Variants in RANBP17 observed in about 807,000 individuals in gnomAD.
RANBP17 encodes the protein ran-binding protein 17.
A neutral mutation model predicts 141.2 loss-of-function variants in RANBP17; 158 were observed. The observed-to-expected ratio is 1.12, with a 90% CI of 0.98 to 1.28. The LOEUF is 1.28. Ranked by LOEUF, RANBP17 falls within the 50% of genes most tolerant of loss-of-function variation. The pLI is 0.00. For missense variants in RANBP17, 1,438 were observed against 1,290.7 expected, an observed-to-expected ratio of 1.11 and a Z score of -1.75; for synonymous variants, 430 against 450.0, an observed-to-expected ratio of 0.96 and a Z score of 0.56.
At chr5:170,887,010 A>G (rs1178488861) in intron 3 of RANBP17, among the ~76,000 whole-genome samples, 2 of 152,136 alleles carry the variant, frequency 1.3e-5, no homozygotes, top group East Asian at 1.9e-4. Context: ...AATTTTTCCA[A>G]TATATTTATT....
At chr5:170,926,859 G>T (rs1049220091) in intron 12 of RANBP17, among the ~76,000 whole-genome samples, 3 of 151,908 alleles carry the variant, frequency 2.0e-5, no homozygotes, top group African/African-American at 7.3e-5. Flanking sequence ...TCCCTTATTT[G>T]CATAGAATAC....
intron 12 of RANBP17, among the ~76,000 whole-genome samples, chr5:170,945,630 G>T (rs1199867072): frequency 2.0e-5 from 3 of 152,004 alleles, no homozygotes; most frequent in South Asian, 4.1e-4. Context: ...TTATCTTCCA[G>T]TAGAGAAATA....
chr5:170,968,238 G>T lies in RANBP17; in HGVS notation c.1575-4G>T. The T allele has an allele frequency of 6.5e-7, 1 of 1,543,054 alleles. No individual in the cohort carries two copies. Among genetic ancestry groups the T allele is most frequent in the South Asian group, 1.3e-5 (1 of 78,576 alleles). ...GGTTTTTTTTTTATTTTCCCTTCAT[G>T]AAGAGTTTTTCAGCTTATATCTTTA... On this transcript the variant is annotated splice_polypyrimidine_tract_variant and splice_region_variant and intron_variant, in intron 13 of 27. Coordinates refer to ENST00000523189, the MANE Select transcript of RANBP17 (RefSeq NM_022897.5).
chr5:171,227,172 A>C (rs990672812), intron 22 of RANBP17, among the ~76,000 whole-genome samples: 1 of 152,260 alleles, frequency 6.6e-6, no homozygotes, highest in Non-Finnish European at 1.5e-5. Context: ...AGCTTAGCGA[A>C]GAAGGCATGT....
intron 14 of RANBP17, among the ~76,000 whole-genome samples, chr5:171,005,381 G>C (rs937789227): frequency 3.2e-4 from 49 of 152,236 alleles, no homozygotes; most frequent in African/African-American, 1.2e-3. Flanking sequence ...GCATGGTACT[G>C]GTATCAAAAC....
rs1561986199 is a variant in RANBP17 at position 171,012,077 on chromosome 5, G to GTTTA, written c.1710+43703_1710+43704insATTT. Among the ~76,000 whole-genome samples the GTTTA allele has an allele frequency of 1.2e-4, 3 of 25,138 alleles. No homozygotes were observed. In the East Asian group the frequency reaches 0.01, roughly 86 times the overall value. 16.5% of individuals were successfully genotyped at this position (25,138 alleles called of 152,430 possible). A position where few individuals can be genotyped will look rare whatever the true frequency, so the allele number is the denominator to read the frequency against. On this transcript the variant is annotated intron_variant, in intron 14 of 27. Transcript: ENST00000523189. ...TATTATTTGTTTAAACGAATATATT[G>GTTTA]TTTGTTTATTTGTTTAAACAAATAA...
intron 25 of RANBP17, among the ~76,000 whole-genome samples, chr5:171,279,530 G>A (rs2128035147): frequency 6.6e-6 from 1 of 152,242 alleles, no homozygotes; most frequent in South Asian, 2.1e-4. Context: ...TGAAGGCAGA[G>A]CCCTCATGCC....
chr5:171,155,970 C>T (rs1306243931), intron 14 of RANBP17, among the ~76,000 whole-genome samples: 1 of 152,102 alleles, frequency 6.6e-6, no homozygotes, highest in Non-Finnish European at 1.5e-5. Flanking sequence ...ATTAATTTAA[C>T]AACTTAATCC....
intron 13 of RANBP17, among the ~76,000 whole-genome samples, chr5:170,955,681 T>TATATATACAC (rs769742239): frequency 0.017 from 661 of 38,724 alleles, 109 homozygotes; most frequent in South Asian, 0.052. Flanking sequence ...TATATATATA[T>TATATATACAC]ACACTGAATG....
rs139014929 is a variant in RANBP17 at position 171,123,869 on chromosome 5, A to G, written c.1711-46261A>G. Among the ~76,000 whole-genome samples the G allele has an allele frequency of 4.2e-3, 639 of 152,310 alleles. 5 individuals are homozygous for G. The highest frequency in any genetic ancestry group is 0.015 in the African/African-American group (615 of 41,568). On this transcript the variant is annotated intron_variant, in intron 14 of 27. Coordinates refer to ENST00000523189, the MANE Select transcript of RANBP17 (RefSeq NM_022897.5). ...AGCCAAAGCACTCTACTTAACCAAC[A>G]CTACAGAAACTATTTCCCTGTGGAA...
Position 170,881,828 on chromosome 5 carries a change from C to A in RANBP17, c.188C>A (p.Ala63Glu), listed in dbSNP as rs1024318008. Residue 63 changes from alanine to glutamate, a missense_variant, in exon 3 of 28, where the codon GCA (alanine) becomes GAA (glutamate). Transcript: ENST00000523189. ...CAGACATCCTATGCTCAGCTCCTTG[C>A]AGCAACATGTCTTTCAAAACTTGTC... ...QGTTSYAQLL[A>E]ATCLSKLVSR... 6.2e-7 allele frequency: 1 copy of A among 1,608,350 alleles called. No individual in the cohort carries two copies. The highest frequency in any genetic ancestry group is 1.3e-5 in the African/African-American group (1 of 74,936).
chr5:171,162,070 C>T (rs1342492876), intron 14 of RANBP17, among the ~76,000 whole-genome samples: 5 of 152,188 alleles, frequency 3.3e-5, no homozygotes, highest in Admixed American at 2.0e-4. Flanking sequence ...ACCATGGTCC[C>T]AAAATCCTCT....
At chr5:171,190,671 A>T (rs1196341662) in intron 18 of RANBP17, among the ~76,000 whole-genome samples, 6 of 152,204 alleles carry the variant, frequency 3.9e-5, no homozygotes, top group Non-Finnish European at 7.4e-5. Flanking sequence ...CAGTAAATGG[A>T]GACCCTCCAG....
chr5:171,240,882 T>C (rs1764834738), intron 22 of RANBP17, 46 bp from the exon 23 acceptor site: 1 of 1,287,290 alleles, frequency 7.8e-7, no homozygotes, highest in Non-Finnish European at 1.1e-6. Context: ...ATAACTACTT[T>C]GAATGACATC....
chr5:171,127,529 A>T (rs915703086), intron 14 of RANBP17, among the ~76,000 whole-genome samples: 1 of 152,228 alleles, frequency 6.6e-6, no homozygotes, highest in Non-Finnish European at 1.5e-5. Flanking sequence ...AAATAGTTTT[A>T]TTAAAACATG....
intron 14 of RANBP17, among the ~76,000 whole-genome samples, chr5:170,987,665 C>T (rs996554353): frequency 1.3e-5 from 2 of 151,606 alleles, no homozygotes; most frequent in African/African-American, 2.4e-5. Flanking sequence ...AATAATTAGA[C>T]TAAAGGCCTA....
chr5:171,057,281 T>C (rs1337053133), intron 14 of RANBP17, among the ~76,000 whole-genome samples: 4 of 152,200 alleles, frequency 2.6e-5, no homozygotes, highest in African/African-American at 7.2e-5. Context: ...AACTTGATTG[T>C]TTTCTGGTTT....
At chr5:170,917,958 A>C (rs1189834785) in intron 9 of RANBP17, among the ~76,000 whole-genome samples, 1 of 152,110 alleles carries the variant, frequency 6.6e-6, no homozygotes, top group Non-Finnish European at 1.5e-5. Context: ...AGCTCCTATG[A>C]ATGAAATTGC....
At chr5:170,879,134 A>G (rs774259046) in intron 2 of RANBP17, among the ~76,000 whole-genome samples, 2 of 152,180 alleles carry the variant, frequency 1.3e-5, no homozygotes, top group Non-Finnish European at 2.9e-5. Context: ...ATGCTGATCT[A>G]TAATGAGATT....
Sources: allele counts gnomAD v4.1 joint callset (sites outside exome capture counted in the v4.1 genomes callset), GRCh38; gene constraint gnomAD v4.1.1; transcripts MANE v1.5; gene names NCBI Gene and HGNC (gene_info 2026-07-23, HGNC 2026-07-21).